LNX1: variants seen among roughly 807,000 people sequenced by gnomAD.
LNX1 encodes E3 ubiquitin-protein ligase LNX.
In LNX1, 54 loss-of-function variants were observed where a neutral mutation model predicts 68.4. That is an observed-to-expected ratio of 0.79 (90% confidence interval 0.63 to 0.99). The LOEUF (loss-of-function observed/expected upper bound fraction) is 0.99, where lower values mean the gene tolerates loss of function less well. Among genes scored for constraint, LNX1 ranks in the 50% least tolerant of loss-of-function variants. The pLI is 0.00. For synonymous variants in LNX1, 336 were observed against 350.0 expected (o/e 0.96, Z 0.45); for missense variants, 906 against 926.4 (o/e 0.98, Z 0.29).
Position 53,525,597 on chromosome 4 carries a change from C to T in LNX1, c.381-17370G>A, listed in dbSNP as rs1174073834. On this transcript the variant is annotated intron_variant, in intron 2 of 10. Transcript: ENST00000263925. The stretch of plus-strand genomic sequence containing the variant: ...CAGTCGAAGTTCACTGGCCATCATC[C>T]CCCATAAAGAGAGAACTGTCAGGCC... Among the ~76,000 whole-genome samples the T allele has an allele frequency of 2.0e-5, 3 of 152,156 alleles. 1 individual carries two copies. Among genetic ancestry groups the T allele is most frequent in the African/African-American group, 7.2e-5 (3 of 41,424 alleles).
intron 2 of LNX1, among the ~76,000 whole-genome samples, chr4:53,560,427 T>C (rs898995138): frequency 1.1e-4 from 16 of 152,202 alleles, no homozygotes; most frequent in African/African-American, 3.9e-4. Context: ...GCTGGTTGCC[T>C]ATCAAATATT....
At chr4:53,611,616 T>C (rs1309897877) in intron 2 of LNX1, among the ~76,000 whole-genome samples, 1 of 151,902 alleles carries the variant, frequency 6.6e-6, no homozygotes, top group East Asian at 1.9e-4. Context: ...TCGTATTAGG[T>C]TGGGGCAAAA....
At chr4:53,565,812 T>C (rs1374175015) in intron 2 of LNX1, among the ~76,000 whole-genome samples, 4 of 151,238 alleles carry the variant, frequency 2.6e-5, no homozygotes, top group South Asian at 4.2e-4. Context: ...AAGGAGCTGA[T>C]GGAGCTGAAA....
At chr4:53,475,669 T>C (rs1013603446) in intron 9 of LNX1, among the ~76,000 whole-genome samples, 7 of 152,312 alleles carry the variant, frequency 4.6e-5, no homozygotes, top group African/African-American at 1.7e-4. Flanking sequence ...AGCAAGATAA[T>C]CATCTGAAGG....
At chr4:53,606,155 T>C (rs574742182) in intron 2 of LNX1, among the ~76,000 whole-genome samples, 1 of 151,904 alleles carries the variant, frequency 6.6e-6, no homozygotes, top group Admixed American at 6.6e-5. Context: ...CATCCAGAAG[T>C]TTCTTTTTTG....
chr4:53,532,855 C>T (rs117135571), intron 2 of LNX1, among the ~76,000 whole-genome samples: 32 of 152,186 alleles, frequency 2.1e-4, no homozygotes, highest in Non-Finnish European at 5.9e-5. Flanking sequence ...CCTCAAGGAA[C>T]ACTGCAGGCT....
chr4:53,465,137 C>A (rs1259817315), intron 9 of LNX1, among the ~76,000 whole-genome samples: 1 of 152,058 alleles, frequency 6.6e-6, no homozygotes, highest in Non-Finnish European at 1.5e-5. Context: ...TTTTTCCTTG[C>A]AGGAAATATT....
At chr4:53,512,508 G>GTGTGTGTGTGTGTGTGTGTA (rs371399015) in intron 2 of LNX1, among the ~76,000 whole-genome samples, 17 of 149,280 alleles carry the variant, frequency 1.1e-4, no homozygotes, top group African/African-American at 3.2e-4. Flanking sequence ...GTGTGTGTGT[G>GTGTGTGTGTGTGTGTGTGTA]TGTGTGTGTG....
At chr4:53,544,140 G>T (rs73147411) in intron 2 of LNX1, among the ~76,000 whole-genome samples, 1 of 152,012 alleles carries the variant, frequency 6.6e-6, no homozygotes, top group Non-Finnish European at 1.5e-5. Context: ...CTATCTAGGT[G>T]TTTGAGAGCA....
At chr4:53,508,249 G>A (rs1726067517) in intron 2 of LNX1, 22 bp from the exon 3 acceptor site, 2 of 1,606,180 alleles carry the variant, frequency 1.2e-6, no homozygotes, top group African/African-American at 1.3e-5. Flanking sequence ...CCAGCGGGGA[G>A]GTGAAGAAGA....
In LNX1 at chr4:53,476,798, G is replaced by A. The variant is rs766869717; in HGVS notation, c.1847C>T (p.Pro616Leu). 5 of 1,614,144 alleles carry A rather than the reference G, an allele frequency of 3.1e-6. No individual in the cohort carries two copies. Among genetic ancestry groups the A allele is most frequent in the Non-Finnish European group, 4.2e-6 (5 of 1,180,012 alleles). The change falls in exon 9 of 11, where the codon CCC becomes CTC. Residue 616 changes from proline to leucine, a missense_variant. Physicochemically the swap from Pro to Leu is moderately conservative, Grantham distance 98. Transcript: ENST00000263925. ...GACCCAGGATGGGGACCAGTCACTG[G>A]GTGGGGCCATGTTGTGGTTGGAGTC... ...ALDSNHNMAP[P>L]SDWSPSWVMW...
chr4:53,558,180 G>T, intron 2 of LNX1: 2 of 1,348,568 alleles, frequency 1.5e-6, no homozygotes, highest in South Asian at 1.6e-5. Context: ...ATGTAGGAAC[G>T]CAAGGAGCCA....
intron 7 of LNX1, 129 bp downstream of exon 7, chr4:53,481,591 T>C: frequency 9.2e-7 from 1 of 1,084,048 alleles, no homozygotes; most frequent in Non-Finnish European, 1.3e-6. Context: ...TTTGGGCTTT[T>C]AGTTTTACAA....
At position 53,459,462 on chromosome 4, in the gene LNX1, C is replaced by G; in HGVS notation, c.*1445G>C. ...ACCTGCAGAATAGGCATGGTTTTGGCCTTTTGTGTATATTAGTACCAGAAG... is the reference window on the plus strand; with the variant it reads ...ACCTGCAGAATAGGCATGGTTTTGGGCTTTTGTGTATATTAGTACCAGAAG... On this transcript the variant is annotated 3_prime_UTR_variant, in exon 11 of 11. Transcript: ENST00000263925. 1 of 1,612,868 alleles carries G rather than the reference C, an allele frequency of 6.2e-7. No homozygotes were observed. Among genetic ancestry groups the G allele is most frequent in the Non-Finnish European group, 8.5e-7 (1 of 1,179,310 alleles).
intron 9 of LNX1, among the ~76,000 whole-genome samples, chr4:53,464,528 T>C (rs1282868369): frequency 1.3e-5 from 2 of 152,182 alleles, no homozygotes; most frequent in African/African-American, 4.8e-5. Context: ...ATCAGTGTTA[T>C]AAACTCATAA....
intron 1 of LNX1, among the ~76,000 whole-genome samples, chr4:53,624,667 G>A (rs1385642902): frequency 6.6e-6 from 1 of 152,080 alleles, no homozygotes; most frequent in African/African-American, 2.4e-5. Flanking sequence ...CTCTCCTAGG[G>A]TTCTCAGAAT....
chr4:53,563,228 C>A (rs1662290175), intron 2 of LNX1, among the ~76,000 whole-genome samples: 1 of 152,006 alleles, frequency 6.6e-6, no homozygotes, highest in South Asian at 2.1e-4. Flanking sequence ...AAATTTAAAA[C>A]AATTTTATTT....
intron 1 of LNX1, among the ~76,000 whole-genome samples, chr4:53,635,199 A>G (rs1025860499): frequency 6.6e-6 from 1 of 152,132 alleles, no homozygotes; most frequent in African/African-American, 2.4e-5. Flanking sequence ...CTTTCTTGTC[A>G]CATGGGGTGA....
chr4:53,495,547 G>GTTTTTTTTTTTTTTTTTTTTTTTT (rs1560626438), intron 6 of LNX1, among the ~76,000 whole-genome samples: 20 of 79,126 alleles, frequency 2.5e-4, no homozygotes, highest in East Asian at 1.1e-3. Context: ...GCATGGCATA[G>GTTTTTTTTTTTTTTTTTTTTTTTT]CTTTTTTTTT....
Sources: gnomAD v4.1 joint callset for allele counts (sites outside exome capture counted in the v4.1 genomes callset) on GRCh38, gnomAD v4.1.1 for gene constraint, MANE v1.5 for transcripts, NCBI Gene and HGNC (gene_info 2026-07-23, HGNC 2026-07-21) for gene names.